The following GALC variants were observed in gnomAD, a reference collection of about 807,000 sequenced individuals.
GALC encodes the protein galactocerebrosidase.
In GALC, 77 loss-of-function variants were observed where a neutral mutation model predicts 91.8. That is an observed-to-expected ratio of 0.84 (90% CI 0.70 to 1.01). The LOEUF is 1.01. Ranked by LOEUF, GALC falls within the 50% of genes least tolerant of loss-of-function variation. The pLI is 0.00. For synonymous variants in GALC, 357 were observed against 306.7 expected, an observed-to-expected ratio of 1.16 and a Z score of -1.71; for missense variants, 882 against 855.9, an observed-to-expected ratio of 1.03 and a Z score of -0.38.
chr14:87,978,565 T>C (rs1417252783), intron 6 of GALC, among the ~76,000 whole-genome samples: 2 of 152,248 alleles, frequency 1.3e-5, no homozygotes, highest in African/African-American at 4.8e-5. Context: ...AACAGCATTC[T>C]TTTGAGCAGT....
intron 16 of GALC, among the ~76,000 whole-genome samples, chr14:87,936,137 T>C (rs886908942): frequency 2.6e-5 from 4 of 152,016 alleles, no homozygotes; most frequent in African/African-American, 9.7e-5. Context: ...CACCTGCCTT[T>C]TGCACCTGCC....
intron 13 of GALC, 69 bp downstream of exon 13, chr14:87,947,659 G>A: frequency 6.9e-7 from 1 of 1,454,290 alleles, no homozygotes; most frequent in Admixed American, 1.7e-5. Flanking sequence ...CACCCAGTTT[G>A]ACAGGTAGAA....
At chr14:87,974,914 T>A (rs1236929459) in intron 7 of GALC, among the ~76,000 whole-genome samples, 1 of 151,988 alleles carries the variant, frequency 6.6e-6, no homozygotes, top group Non-Finnish European at 1.5e-5. Context: ...CATATCCAAG[T>A]CCTTCATGAA....
rs1033368690 is a variant in GALC at position 87,933,244 on chromosome 14, T to C, written c.*1488A>G. On this transcript the variant is annotated 3_prime_UTR_variant, in exon 17 of 17. Transcript: ENST00000261304. Reference sequence around the variant, plus strand: ...TTCTGGAACAAAGAAAACTAACCTATAGTGATAGAATTCCTATCAATGGCT... The same window carrying C: ...TTCTGGAACAAAGAAAACTAACCTACAGTGATAGAATTCCTATCAATGGCT... 6.6e-6 allele frequency: 1 copy of C among 152,514 alleles called. No homozygotes were observed. The highest frequency in any genetic ancestry group is 2.1e-4 in the South Asian group (1 of 4,836). 9.4% of individuals were successfully genotyped at this position (152,514 alleles called of 1,614,324 possible).
At chr14:87,984,212 G>T (rs577243427) in intron 5 of GALC, among the ~76,000 whole-genome samples, 182 bp downstream of exon 5, 1 of 151,876 alleles carries the variant, frequency 6.6e-6, no homozygotes, top group South Asian at 2.1e-4. Flanking sequence ...GGAACACTGG[G>T]ATGGGCAAAG....
At chr14:87,975,130 T>C (rs2140013668) in intron 7 of GALC, among the ~76,000 whole-genome samples, 1 of 152,104 alleles carries the variant, frequency 6.6e-6, no homozygotes, top group East Asian at 1.9e-4. Context: ...AAATCTAACC[T>C]AACCTAAATC....
intron 7 of GALC, among the ~76,000 whole-genome samples, chr14:87,972,279 A>C (rs1330080497): frequency 6.6e-6 from 1 of 152,300 alleles, no homozygotes; most frequent in African/African-American, 2.4e-5. Context: ...GGCTGAAATA[A>C]CAGCTACTAT....
At chr14:87,976,657 C>A (rs1368960352) in intron 6 of GALC, 169 bp from the exon 7 acceptor site, 1 of 589,796 alleles carries the variant, frequency 1.7e-6, no homozygotes, top group African/African-American at 1.9e-5. Flanking sequence ...TCTCGTCGCC[C>A]AGGCTGGAGT....
intron 14 of GALC, among the ~76,000 whole-genome samples, chr14:87,944,842 G>T (rs953664825): frequency 3.3e-5 from 5 of 151,730 alleles, no homozygotes; most frequent in Non-Finnish European, 7.4e-5. Context: ...TTGGTGGCTT[G>T]GTATTACTAG....
chr14:87,954,118 A>T, intron 10 of GALC: 3 of 1,609,262 alleles, frequency 1.9e-6, no homozygotes, highest in South Asian at 2.2e-5. Flanking sequence ...CAGCCTGAAG[A>T]ATATTCCAGT....
chr14:87,968,956 C>G (rs1483872847), intron 7 of GALC, among the ~76,000 whole-genome samples: 1 of 152,018 alleles, frequency 6.6e-6, no homozygotes, highest in African/African-American at 2.4e-5. Context: ...ACTAGTGAAA[C>G]CTTTATATAA....
intron 7 of GALC, among the ~76,000 whole-genome samples, chr14:87,972,066 T>C (rs61977331): frequency 0.014 from 2,057 of 152,190 alleles, 21 homozygotes; most frequent in Non-Finnish European, 0.024. Flanking sequence ...AGTCTTCCTA[T>C]GAAGATGTGA....
upstream of GALC, chr14:87,993,555 C>G: frequency 7.8e-7 from 1 of 1,282,806 alleles, no homozygotes; most frequent in Non-Finnish European, 1.1e-6. Flanking sequence ...GTCCCGATTC[C>G]ATTGTCATCT....
In GALC at chr14:87,934,031, T is replaced by G. The variant is rs1358488401; in HGVS notation, c.*701A>C. On this transcript the variant is annotated 3_prime_UTR_variant, in exon 17 of 17. Transcript: ENST00000261304. ...AAACGTTCACAGAGAGTTATAGTGG[T>G]TACAAGACCAAAACTTGGAATCAAA... is the stretch of plus-strand genomic sequence containing the variant. 17 of 1,533,882 alleles carry G rather than the reference T, an allele frequency of 1.1e-5. No homozygotes were observed. The highest frequency in any genetic ancestry group is 1.5e-5 in the Non-Finnish European group (17 of 1,145,734).
chr14:87,976,438 T>C lies in GALC; in HGVS notation c.672A>G (p.Ile224Met), dbSNP rs767189595. Residue 224 changes from isoleucine (I) to methionine (M), a missense_variant, in exon 7 of 17, where the codon ATA becomes ATG. Physicochemically the swap from Ile to Met is conservative, Grantham distance 10 (BLOSUM62 1). Transcript: ENST00000261304. ...NYQGLQRVKI[I>M]ASDNLWESIS... ...TGGACTCCCAGAGATTATCACTTGC[T>C]ATGATTTTCACTCGCTGGAGACCTT... The C allele has an allele frequency of 1.2e-6, 2 of 1,613,658 alleles. No homozygotes were observed. The highest frequency in any genetic ancestry group is 1.7e-6 in the Non-Finnish European group (2 of 1,179,528).
chr14:87,987,178 G>A (rs1887011796), intron 3 of GALC: 1 of 363,646 alleles, frequency 2.7e-6, no homozygotes. Flanking sequence ...TAGCACTGAG[G>A]TAGGTAATTG....
At position 87,949,939 on chromosome 14, in the gene GALC, G is replaced by T. The variant is rs1327279405; in HGVS notation, c.1252-8C>A. 7 of 1,459,542 alleles carry T rather than the reference G, an allele frequency of 4.8e-6. No individual in the cohort carries two copies. The highest frequency in any genetic ancestry group is 3.8e-6 in the Non-Finnish European group (4 of 1,040,718). The allele number at this position is 1,459,542 out of a possible 1,614,324, so 90.4% of individuals were successfully genotyped here. On this transcript the variant is annotated splice_polypyrimidine_tract_variant and splice_region_variant and intron_variant, in intron 11 of 16. Transcript: ENST00000261304. ...TAGCTCTGGTATTTCACTCTGTAAA[G>T]AAAAGACAAAAAAGCATGGCTGAGT...
intron 3 of GALC, 186 bp downstream of exon 3, chr14:87,987,954 TGATG>T (rs1887042377): frequency 1.7e-6 from 1 of 577,150 alleles, no homozygotes. Context: ...ATATTGTTTT[TGATG>T]GACCAGTCAT....
At chr14:87,954,452 T>C in intron 10 of GALC, 1 of 1,588,388 alleles carries the variant, frequency 6.3e-7, no homozygotes, top group South Asian at 1.1e-5. Context: ...GAAAAAAGGT[T>C]ATATTTGGGA....
Sources: gnomAD v4.1 joint callset for allele counts (sites outside exome capture counted in the v4.1 genomes callset) on GRCh38, gnomAD v4.1.1 for gene constraint, MANE v1.5 for transcripts, NCBI Gene and HGNC (gene_info 2026-07-23, HGNC 2026-07-21) for gene names.